ZNF106: variants seen among roughly 807,000 people sequenced by gnomAD.
ZNF106 encodes zinc finger protein 106.
ZNF106 carries 67 observed loss-of-function variants against 195.1 expected under a neutral mutation model. The observed-to-expected ratio is 0.34, with a 90% CI of 0.28 to 0.42. The LOEUF (loss-of-function observed/expected upper bound fraction) is 0.42, where lower values mean the gene tolerates loss of function less well. Among genes scored for constraint, ZNF106 ranks in the 10% least tolerant of loss-of-function variants. ZNF106 has a pLI of 1.00. For missense variants in ZNF106, 2,118 were observed against 2,304.5 expected (o/e 0.92, Z 1.66); for synonymous variants, 784 against 818.6 (o/e 0.96, Z 0.72).
chr15:42,449,693 A>G (rs1324468023), intron 5 of ZNF106, 78 bp downstream of exon 5: 2 of 1,505,774 alleles, frequency 1.3e-6, no homozygotes, highest in Non-Finnish European at 1.8e-6. Context: ...TGAAACACGT[A>G]GAATTCTCTT....
chr15:42,486,367 C>T (rs1489173266), intron 1 of ZNF106, among the ~76,000 whole-genome samples: 4 of 152,068 alleles, frequency 2.6e-5, no homozygotes, highest in Admixed American at 2.6e-4. Context: ...TCAAGTGATC[C>T]TTCCACCTCA....
chr15:42,435,517 C>T lies in ZNF106; in HGVS notation c.4748G>A (p.Ser1583Asn). The T allele has an allele frequency of 6.2e-7, 1 of 1,614,190 alleles. No homozygotes were observed. Among genetic ancestry groups the T allele is most frequent in the Non-Finnish European group, 8.5e-7 (1 of 1,180,034 alleles). The change falls in exon 14 of 22, where the codon AGT becomes AAT. Residue 1583 changes from serine to asparagine, a missense_variant and splice_region_variant. Coordinates refer to ENST00000564754, the MANE Select transcript of ZNF106 (RefSeq NM_001366845.3). Reference protein sequence around the residue: ...DKTVRVYNLVSRKCIGVFEGH... With the variant: ...DKTVRVYNLVNRKCIGVFEGH... ...CTCAAAGACACCAATACATTTCCGA[C>T]TCTAAAGTTTAAGCACAGACCAGAT...
intron 14 of ZNF106, among the ~76,000 whole-genome samples, chr15:42,434,902 T>C (rs2055215156): frequency 6.6e-6 from 1 of 151,988 alleles, no homozygotes; most frequent in South Asian, 2.1e-4. Context: ...GCCTCCCAAG[T>C]AGCTGCAATT....
chr15:42,483,133 C>A (rs144543229), intron 1 of ZNF106, among the ~76,000 whole-genome samples: 1 of 152,228 alleles, frequency 6.6e-6, no homozygotes, highest in East Asian at 1.9e-4. Context: ...TCCAAGTAGT[C>A]CCATTCTTGT....
chr15:42,433,991 G>GTACCTCGCCTAGAAAT (rs2055168977), intron 14 of ZNF106, among the ~76,000 whole-genome samples: 1 of 152,060 alleles, frequency 6.6e-6, no homozygotes, highest in African/African-American at 2.4e-5. Context: ...TAGGACTATA[G>GTACCTCGCCTAGAAAT]GTGTGCATCA....
chr15:42,417,201 C>T lies in ZNF106; in HGVS notation c.*103G>A. ...GGTATGCCTGGCTAGTAACCACTTT[C>T]TCCTTCCTTACTTCACCAAGAAAGG... On this transcript the variant is annotated 3_prime_UTR_variant, in exon 22 of 22. Transcript: ENST00000564754. 7.6e-7 allele frequency: 1 copy of T among 1,311,698 alleles called. No individual in the cohort carries two copies. The highest frequency in any genetic ancestry group is 1.1e-6 in the Non-Finnish European group (1 of 923,390). 81.3% of individuals were successfully genotyped at this position (1,311,698 alleles called of 1,614,324 possible). A position where few individuals can be genotyped will look rare whatever the true frequency, so the allele number is the denominator to read the frequency against.
chr15:42,463,633 A>C (rs1427216728), intron 3 of ZNF106, among the ~76,000 whole-genome samples: 1 of 152,130 alleles, frequency 6.6e-6, no homozygotes, highest in Non-Finnish European at 1.5e-5. Context: ...TACAAAAAAT[A>C]AAAGCCAAAA....
At chr15:42,462,087 G>C (rs1463636746) in intron 3 of ZNF106, among the ~76,000 whole-genome samples, 2 of 152,160 alleles carry the variant, frequency 1.3e-5, no homozygotes, top group Admixed American at 1.3e-4. Context: ...AAATGAGTTT[G>C]GGTGCGAAAC....
In ZNF106 at chr15:42,463,093, C is replaced by T. The variant is rs982537311; in HGVS notation, c.116+2960G>A. 6.6e-5 allele frequency among the ~76,000 whole-genome samples: 10 copies of T among 152,092 alleles called. No individual in the cohort carries two copies. The East Asian group carries it at 1.2e-3, about 18-fold the overall frequency. ...GGATTATAGGCACGAGCACCGCGGC[C>T]GGCCCAAACTTTTAAAAATGTTTTA... On this transcript the variant is annotated intron_variant, in intron 3 of 21. Coordinates refer to ENST00000564754, the MANE Select transcript of ZNF106 (RefSeq NM_001366845.3).
intron 17 of ZNF106, 36 bp from the exon 18 acceptor site, chr15:42,422,656 C>T (rs2054708979): frequency 6.4e-7 from 1 of 1,571,772 alleles, no homozygotes; most frequent in Non-Finnish European, 8.6e-7. Context: ...ACCAGACTGA[C>T]TTTCGAGACT....
At chr15:42,424,342 C>T in intron 16 of ZNF106, 1 of 371,040 alleles carries the variant, frequency 2.7e-6, no homozygotes, top group East Asian at 4.4e-5. Context: ...TAACAAAATA[C>T]ACTCATTGTT....
rs576265524 is a variant in ZNF106 at position 42,457,923 on chromosome 15, T to C, written c.117-765A>G. On this transcript the variant is annotated intron_variant, in intron 3 of 21. Transcript: ENST00000564754. ...ACTTTTTTGCTTTGTTTTGTTTTTT[T>C]ACTTTACATACTTCATGCAAATCTC... 1.6e-3 allele frequency among the ~76,000 whole-genome samples: 248 copies of C among 152,344 alleles called. 2 individuals carry two copies. The highest frequency in any genetic ancestry group is 6.8e-3 in the Middle Eastern group (2 of 294).
chr15:42,446,292 C>T (rs1159399905), intron 7 of ZNF106, among the ~76,000 whole-genome samples: 1 of 152,176 alleles, frequency 6.6e-6, no homozygotes, highest in African/African-American at 2.4e-5. Flanking sequence ...CTACAAGAAC[C>T]TCTTGGGGCT....
At chr15:42,474,245 G>A (rs1315493294) in intron 1 of ZNF106, among the ~76,000 whole-genome samples, 1 of 152,148 alleles carries the variant, frequency 6.6e-6, no homozygotes. Flanking sequence ...TTTACTACCT[G>A]ACATAGTATG....
Position 42,451,666 on chromosome 15 carries a change from A to G in ZNF106, c.606T>C (p.Ser202=). Residue 202 remains serine, a synonymous_variant, in exon 5 of 22, where the codon AGT becomes AGC. Coordinates refer to ENST00000564754, the MANE Select transcript of ZNF106 (RefSeq NM_001366845.3). ...GGSSTWFHNH[S]NSGGGWLSNS... ...TTGAAAGCCAACCACCTCCAGAATT[A>G]CTATGGTTGTGAAACCAAGTCGAGG... 1 of 1,614,212 alleles carries G rather than the reference A, an allele frequency of 6.2e-7. No individual in the cohort carries two copies. Among genetic ancestry groups the G allele is most frequent in the Non-Finnish European group, 8.5e-7 (1 of 1,180,044 alleles).
chr15:42,454,920 G>A (rs2056178306), intron 4 of ZNF106, among the ~76,000 whole-genome samples: 1 of 151,488 alleles, frequency 6.6e-6, no homozygotes, highest in Non-Finnish European at 1.5e-5. Context: ...AGAAGTAGAT[G>A]ATTTTATAAA....
intron 14 of ZNF106, among the ~76,000 whole-genome samples, chr15:42,428,832 C>T (rs1041091753): frequency 4.6e-5 from 7 of 151,676 alleles, no homozygotes; most frequent in Non-Finnish European, 7.4e-5. Context: ...GGTGCGATCT[C>T]GGCTCACTGC....
At chr15:42,478,437 C>G (rs1453957757) in intron 1 of ZNF106, among the ~76,000 whole-genome samples, 1 of 151,726 alleles carries the variant, frequency 6.6e-6, no homozygotes, top group Non-Finnish European at 1.5e-5. Context: ...GTTGGGATTA[C>G]AGGCATGAGC....
intron 1 of ZNF106, among the ~76,000 whole-genome samples, chr15:42,484,642 G>A (rs1201208415): frequency 6.6e-6 from 1 of 152,174 alleles, no homozygotes; most frequent in Non-Finnish European, 1.5e-5. Context: ...GGAAGCTTAC[G>A]CACGAGAATT....
Sources: allele counts gnomAD v4.1 joint callset (sites outside exome capture counted in the v4.1 genomes callset), GRCh38; gene constraint gnomAD v4.1.1; transcripts MANE v1.5; gene names NCBI Gene and HGNC (gene_info 2026-07-23, HGNC 2026-07-21).